The following ROBO1 variants were observed in gnomAD, a reference collection of about 807,000 sequenced individuals.
ROBO1 encodes roundabout homolog 1.
In ROBO1, 149 loss-of-function variants were observed where a neutral mutation model predicts 195.9. The observed-to-expected ratio is 0.76, with a 90% CI of 0.67 to 0.87. The LOEUF (loss-of-function observed/expected upper bound fraction) is 0.87. Ranked by LOEUF, ROBO1 falls within the 40% of genes least tolerant of loss-of-function variation. The pLI is 0.00. For synonymous variants in ROBO1, 816 were observed against 733.2 expected, an observed-to-expected ratio of 1.11 and a Z score of -1.82; for missense variants, 1,933 against 2,068.3, an observed-to-expected ratio of 0.93 and a Z score of 1.27.
At chr3:79,156,908 A>G (rs988505349) in intron 2 of ROBO1, among the ~76,000 whole-genome samples, 2 of 151,790 alleles carry the variant, frequency 1.3e-5, no homozygotes, top group African/African-American at 2.4e-5. Context: ...TAATAGTTCC[A>G]TGTTCATATA....
chr3:78,965,631 A>C (rs1240764623), intron 3 of ROBO1, among the ~76,000 whole-genome samples: 1 of 152,174 alleles, frequency 6.6e-6, no homozygotes, highest in African/African-American at 2.4e-5. Flanking sequence ...AAAAAAAAAA[A>C]TAAAGCATGT....
At chr3:79,251,970 G>A (rs2082737611) in intron 2 of ROBO1, among the ~76,000 whole-genome samples, 1 of 151,100 alleles carries the variant, frequency 6.6e-6, no homozygotes, top group Non-Finnish European at 1.5e-5. Context: ...GAAAACTTAG[G>A]TGACCCAAAA....
intron 5 of ROBO1, 40 bp from the exon 6 acceptor site, chr3:78,717,923 T>G (rs1161695977): frequency 6.2e-7 from 1 of 1,602,886 alleles, no homozygotes; most frequent in Admixed American, 1.7e-5. Context: ...TTAAAATTGC[T>G]TCAGCTATGT....
chr3:79,563,230 T>G (rs572823460), intron 2 of ROBO1, among the ~76,000 whole-genome samples: 1 of 152,072 alleles, frequency 6.6e-6, no homozygotes, highest in East Asian at 1.9e-4. Flanking sequence ...TTGAAAAGTA[T>G]GATAGATTAC....
At chr3:78,933,927 T>C (rs1387155414) in intron 4 of ROBO1, among the ~76,000 whole-genome samples, 2 of 152,040 alleles carry the variant, frequency 1.3e-5, no homozygotes, top group Non-Finnish European at 2.9e-5. Flanking sequence ...TAGGAAATAC[T>C]ATATATACTT....
intron 2 of ROBO1, among the ~76,000 whole-genome samples, chr3:79,283,493 G>T (rs2031662880): frequency 6.6e-6 from 1 of 152,132 alleles, no homozygotes; most frequent in Non-Finnish European, 1.5e-5. Flanking sequence ...GTACAGATTG[G>T]TATATTAAAT....
At chr3:78,674,002 A>G (rs1400467719) in intron 10 of ROBO1, among the ~76,000 whole-genome samples, 1 of 152,108 alleles carries the variant, frequency 6.6e-6, no homozygotes, top group Non-Finnish European at 1.5e-5. Flanking sequence ...ACTTGTCCAA[A>G]TCAAGTAGTA....
At chr3:79,027,138 C>G (rs1234557747) in intron 3 of ROBO1, among the ~76,000 whole-genome samples, 1 of 152,084 alleles carries the variant, frequency 6.6e-6, no homozygotes, top group Non-Finnish European at 1.5e-5. Flanking sequence ...GGCATTCATG[C>G]TTTTGGCATT....
At chr3:79,442,192 TACA>T (rs1231173448) in intron 2 of ROBO1, among the ~76,000 whole-genome samples, 5 of 152,166 alleles carry the variant, frequency 3.3e-5, no homozygotes, top group Middle Eastern at 3.2e-3. Flanking sequence ...CTTATTCATG[TACA>T]ACTATTTTGG....
intron 2 of ROBO1, among the ~76,000 whole-genome samples, chr3:79,557,852 A>G (rs967207291): frequency 6.6e-6 from 1 of 151,424 alleles, no homozygotes; most frequent in Admixed American, 6.6e-5. Context: ...ATTGCTTTCC[A>G]GAGCATGACA....
intron 26 of ROBO1, among the ~76,000 whole-genome samples, chr3:78,621,909 T>C (rs1704480000): frequency 6.6e-6 from 1 of 152,180 alleles, no homozygotes; most frequent in African/African-American, 2.4e-5. Context: ...ACCTTTGAGA[T>C]TTTGTTCTAA....
In ROBO1 at chr3:79,489,482, C is replaced by T. The variant is rs527395797; in HGVS notation, c.88+100342G>A. On this transcript the variant is annotated intron_variant, in intron 2 of 30. Transcript: ENST00000464233. ...CATCCTGGCCAACATGGTGAAACCC[C>T]GTCTCTAATAAAAATTACAAAAATT... Among the ~76,000 whole-genome samples the T allele has an allele frequency of 1.4e-3, 206 of 151,788 alleles. 1 individual carries two copies. The highest frequency in any genetic ancestry group is 4.8e-3 in the African/African-American group (197 of 41,416).
rs1028028405 is a variant in ROBO1, at chr3:79,343,254, T to A, written c.89-217715A>T. ...AAAATAAATGTATTCATTCACTTAC[T>A]GAATGATATCTAGCTTGCTTCGAAG... On this transcript the variant is annotated intron_variant, in intron 2 of 30. Transcript: ENST00000464233. Among the ~76,000 whole-genome samples, 5 of 152,328 alleles carry A rather than the reference T, an allele frequency of 3.3e-5. No homozygotes were observed. In the East Asian group the frequency reaches 9.6e-4, roughly 29 times the overall value.
chr3:78,965,477 C>T (rs1458471720), intron 3 of ROBO1, among the ~76,000 whole-genome samples: 1 of 152,050 alleles, frequency 6.6e-6, no homozygotes. Context: ...CTTCTTTGAG[C>T]AGAGTGAGAA....
intron 2 of ROBO1, among the ~76,000 whole-genome samples, chr3:79,231,370 G>C (rs971222202): frequency 2.6e-5 from 4 of 151,840 alleles, no homozygotes; most frequent in African/African-American, 4.8e-5. Context: ...AAATTTATAA[G>C]AAAAAACCAA....
chr3:79,143,381 G>C (rs1415151914), intron 2 of ROBO1, among the ~76,000 whole-genome samples: 1 of 151,778 alleles, frequency 6.6e-6, no homozygotes, highest in Non-Finnish European at 1.5e-5. Context: ...AAACATATAG[G>C]TATAAAACAT....
intron 4 of ROBO1, among the ~76,000 whole-genome samples, chr3:78,915,806 T>C (rs1156668284): frequency 6.6e-6 from 1 of 152,008 alleles, no homozygotes; most frequent in Non-Finnish European, 1.5e-5. Flanking sequence ...TAGGTGTGCG[T>C]CATCATGCCT....
At chr3:79,584,625 GT>G (rs1943765313) in intron 2 of ROBO1, among the ~76,000 whole-genome samples, 1 of 145,324 alleles carries the variant, frequency 6.9e-6, no homozygotes, top group East Asian at 2.0e-4. Context: ...GTGTGTGTGT[GT>G]GTGTGTGTGT....
At chr3:79,030,353 A>G (rs2078272671) in intron 3 of ROBO1, among the ~76,000 whole-genome samples, 1 of 152,198 alleles carries the variant, frequency 6.6e-6, no homozygotes, top group South Asian at 2.1e-4. Flanking sequence ...CTTCCATTGC[A>G]TAGGACAGTC....
Sources: allele counts gnomAD v4.1 joint callset (sites outside exome capture counted in the v4.1 genomes callset), GRCh38; gene constraint gnomAD v4.1.1; transcripts MANE v1.5; gene names NCBI Gene and HGNC (gene_info 2026-07-23, HGNC 2026-07-21).